TDRP: variants seen among roughly 807,000 people sequenced by gnomAD.
The protein encoded by TDRP is testis development-related protein.
Under a neutral mutation model 10.5 loss-of-function variants are expected in TDRP, and 12 were observed. The ratio of observed to expected loss-of-function variants is 1.15; its 90% CI spans 0.73 to 1.86. TDRP has a LOEUF of 1.86. Among genes scored for constraint, TDRP ranks in the 40% most tolerant of loss-of-function variants. The pLI, the probability that TDRP is intolerant of heterozygous loss-of-function variation, is 0.00. For synonymous variants in TDRP, 139 were observed against 95.4 expected, an observed-to-expected ratio of 1.46 and a Z score of -2.67; for missense variants, 353 against 229.2, an observed-to-expected ratio of 1.54 and a Z score of -3.49.
At chr8:501,319 ATTATAAAGCAAATTTCC>A (rs1472494302) in intron 1 of TDRP, among the ~76,000 whole-genome samples, 1 of 152,078 alleles carries the variant, frequency 6.6e-6, no homozygotes, top group African/African-American at 2.4e-5. Flanking sequence ...TTAGTATTTC[ATTATAAAGCAAATTTCC>A]TGGTATACTT....
In TDRP at chr8:490,753, T is replaced by G. The variant is rs1393905466; in HGVS notation, c.*1646A>C. ...AAAAATTATGAACTTGTCTCTGTATTATGGAACAAAGAAAACCTCCACAAC... is the reference window on the plus strand; with the variant it reads ...AAAAATTATGAACTTGTCTCTGTATGATGGAACAAAGAAAACCTCCACAAC... On this transcript the variant is annotated 3_prime_UTR_variant, in exon 3 of 3. Transcript: ENST00000324079. 6.6e-6 allele frequency: 1 copy of G among 152,260 alleles called. No homozygotes were observed. The highest frequency in any genetic ancestry group is 2.4e-5 in the African/African-American group (1 of 41,460). The allele number at this position is 152,260 out of a possible 1,614,324, so 9.4% of individuals were successfully genotyped here. A position where few individuals can be genotyped will look rare whatever the true frequency, so the allele number is the denominator to read the frequency against.
chr8:545,359 C>G (rs1286531749), upstream of TDRP, among the ~76,000 whole-genome samples: 7 of 138,962 alleles, frequency 5.0e-5, no homozygotes, highest in Non-Finnish European at 1.1e-4. Flanking sequence ...CTCCTCTACC[C>G]CCGAGCCCCC....
chr8:493,991 T>TTG (rs1287580348), intron 2 of TDRP, among the ~76,000 whole-genome samples: 1 of 124,684 alleles, frequency 8.0e-6, no homozygotes, highest in South Asian at 2.8e-4. Flanking sequence ...CTCATTTCTG[T>TTG]TGTTTTTTTT....
intron 1 of TDRP, among the ~76,000 whole-genome samples, chr8:516,420 A>G (rs1801758905): frequency 6.6e-6 from 1 of 152,216 alleles, no homozygotes; most frequent in Non-Finnish European, 1.5e-5. Flanking sequence ...ACCCAACAAT[A>G]AGAAAACAGC....
Position 505,623 on chromosome 8 carries a change from G to A in TDRP, c.109-11026C>T, listed in dbSNP as rs571965201. Reference sequence around the variant, plus strand: ...CCCATGAAGGCCATGAAGATCTCCAGCCACAGCAGCAGGAACGCATGGCCA... The same window carrying A: ...CCCATGAAGGCCATGAAGATCTCCAACCACAGCAGCAGGAACGCATGGCCA... On this transcript the variant is annotated intron_variant, in intron 1 of 2. Transcript: ENST00000324079. 3.9e-5 allele frequency among the ~76,000 whole-genome samples: 6 copies of A among 152,272 alleles called. No individual in the cohort carries two copies. The East Asian group carries it at 9.7e-4, about 25-fold the overall frequency.
chr8:514,855 C>G (rs1352135300), intron 1 of TDRP, among the ~76,000 whole-genome samples: 1 of 152,128 alleles, frequency 6.6e-6, no homozygotes, highest in African/African-American at 2.4e-5. Context: ...CAAGGAATGG[C>G]ACCAACAGGC....
chr8:517,386 G>A (rs1318356910), intron 1 of TDRP, among the ~76,000 whole-genome samples: 1 of 152,154 alleles, frequency 6.6e-6, no homozygotes, highest in Non-Finnish European at 1.5e-5. Context: ...GAGATTAAAC[G>A]AAGCATCTGA....
chr8:507,541 C>G (rs994416004), intron 1 of TDRP, among the ~76,000 whole-genome samples: 1 of 152,140 alleles, frequency 6.6e-6, no homozygotes, highest in East Asian at 1.9e-4. Flanking sequence ...TGCATGCGGT[C>G]ACGGACAGAG....
chr8:494,791 C>A (rs1042491770), intron 1 of TDRP, among the ~76,000 whole-genome samples, 194 bp from the exon 2 acceptor site: 1 of 152,138 alleles, frequency 6.6e-6, no homozygotes, highest in South Asian at 2.1e-4. Context: ...GTATTGTGGT[C>A]CTAACAGCTT....
intron 1 of TDRP, among the ~76,000 whole-genome samples, chr8:508,867 A>G (rs1801536350): frequency 6.6e-6 from 1 of 152,218 alleles, no homozygotes; most frequent in African/African-American, 2.4e-5. Context: ...CTGTAAAATC[A>G]AAAGCAAGCT....
chr8:522,797 G>A (rs1001702861), intron 1 of TDRP, among the ~76,000 whole-genome samples: 1 of 152,096 alleles, frequency 6.6e-6, no homozygotes, highest in Non-Finnish European at 1.5e-5. Flanking sequence ...TGTGTTTTGT[G>A]ACAGTTTTTG....
intron 1 of TDRP, among the ~76,000 whole-genome samples, chr8:527,228 A>G (rs1348853035): frequency 6.6e-6 from 1 of 152,204 alleles, no homozygotes; most frequent in East Asian, 1.9e-4. Flanking sequence ...AAAGATCTCT[A>G]CAATGAAAAC....
chr8:504,000 A>C (rs1194553108), intron 1 of TDRP, among the ~76,000 whole-genome samples: 1 of 150,286 alleles, frequency 6.7e-6, no homozygotes, highest in Non-Finnish European at 1.5e-5. Flanking sequence ...CACACACTGG[A>C]ACCAATGCCC....
At chr8:536,992 C>A (rs1478992684) in intron 1 of TDRP, among the ~76,000 whole-genome samples, 1 of 152,210 alleles carries the variant, frequency 6.6e-6, no homozygotes, top group African/African-American at 2.4e-5. Flanking sequence ...CTACAAATAT[C>A]TGTTTACCCA....
At chr8:507,235 G>A (rs1313546312) in intron 1 of TDRP, among the ~76,000 whole-genome samples, 2 of 152,088 alleles carry the variant, frequency 1.3e-5, no homozygotes, top group African/African-American at 2.4e-5. Context: ...CTCAACACAT[G>A]GGGATTGCAA....
intron 1 of TDRP, among the ~76,000 whole-genome samples, chr8:536,353 CT>C (rs577330386): frequency 6.2e-4 from 95 of 152,304 alleles, no homozygotes; most frequent in Middle Eastern, 3.4e-3. Context: ...TTGGCATTCA[CT>C]AAAAACACTA....
intron 1 of TDRP, among the ~76,000 whole-genome samples, chr8:500,324 G>A (rs1388792633): frequency 2.0e-5 from 3 of 152,194 alleles, no homozygotes; most frequent in Admixed American, 2.0e-4. Flanking sequence ...TCAAAAATGT[G>A]CAGAGAGGCC....
At chr8:508,635 G>A (rs777870337) in intron 1 of TDRP, among the ~76,000 whole-genome samples, 11 of 152,094 alleles carry the variant, frequency 7.2e-5, no homozygotes, top group Admixed American at 1.3e-4. Flanking sequence ...GATACATTGC[G>A]ATTATGGGAA....
chr8:513,993 C>T (rs565483799), intron 1 of TDRP, among the ~76,000 whole-genome samples: 2 of 152,264 alleles, frequency 1.3e-5, no homozygotes, highest in Admixed American at 6.5e-5. Flanking sequence ...AATCAGAAGA[C>T]ATAACATTAT....
Sources: allele counts gnomAD v4.1 joint callset (sites outside exome capture counted in the v4.1 genomes callset), GRCh38; gene constraint gnomAD v4.1.1; transcripts MANE v1.5; gene names NCBI Gene and HGNC (gene_info 2026-07-23, HGNC 2026-07-21).